The following FGF10 variants were observed in gnomAD, a reference collection of about 807,000 sequenced individuals.
The protein encoded by FGF10 is FGF-10.
A neutral mutation model predicts 19.8 loss-of-function variants in FGF10; 2 were observed. The ratio of observed to expected loss-of-function variants is 0.10; its 90% CI spans 0.04 to 0.32. FGF10 has a LOEUF of 0.32. Ranked by LOEUF, FGF10 falls within the 10% of genes least tolerant of loss-of-function variation. The pLI is 1.00. For missense variants in FGF10, 191 were observed against 246.3 expected (o/e 0.78, Z 1.50); for synonymous variants, 112 against 94.0 (o/e 1.19, Z -1.10).
At chr5:44,349,453 T>TATATCAGAATATATATATATCAGA (rs1554038157) in intron 1 of FGF10, among the ~76,000 whole-genome samples, 1 of 23,060 alleles carries the variant, frequency 4.3e-5, no homozygotes, top group East Asian at 1.4e-3. Flanking sequence ...TATATATATA[T>TATATCAGAATATATATATATCAGA]ATATATATAT....
chr5:44,354,647 C>T (rs17227759), intron 1 of FGF10, among the ~76,000 whole-genome samples: 2 of 151,432 alleles, frequency 1.3e-5, no homozygotes, highest in East Asian at 3.9e-4. Flanking sequence ...GTTAAAATCT[C>T]TAAAAGCAGT....
At position 44,335,243 on chromosome 5, in the gene FGF10, T is replaced by C. The variant is rs542959724; in HGVS notation, c.326-24713A>G. ...ATGATCACTCACCAAGAGGCATTCA[T>C]GCATCTTTTCTTAATGGTGAGAAGA... On this transcript the variant is annotated intron_variant, in intron 1 of 2. Coordinates refer to ENST00000264664, the MANE Select transcript of FGF10 (RefSeq NM_004465.2). Among the ~76,000 whole-genome samples, 120 of 152,224 alleles carry C rather than the reference T, an allele frequency of 7.9e-4. 2 individuals carry two copies. Among genetic ancestry groups the C allele is most frequent in the African/African-American group, 2.7e-3 (112 of 41,568 alleles).
chr5:44,370,033 G>A (rs993204344), intron 1 of FGF10, among the ~76,000 whole-genome samples: 11 of 151,754 alleles, frequency 7.2e-5, no homozygotes, highest in African/African-American at 2.4e-4. Flanking sequence ...CTCCTCCACC[G>A]CCAACTGTGT....
At chr5:44,330,000 T>C (rs972891298) in intron 1 of FGF10, among the ~76,000 whole-genome samples, 1 of 152,210 alleles carries the variant, frequency 6.6e-6, no homozygotes, top group African/African-American at 2.4e-5. Flanking sequence ...TTTCCTCTTT[T>C]CATTCATAAG....
At chr5:44,310,346 A>G (rs1734223512) in intron 2 of FGF10, 81 bp downstream of exon 2, 2 of 888,384 alleles carry the variant, frequency 2.3e-6, no homozygotes, top group Non-Finnish European at 3.7e-6. Flanking sequence ...TAACAAAGCT[A>G]TTCGGTGTCT....
chr5:44,375,707 G>C (rs1741837843), intron 1 of FGF10, among the ~76,000 whole-genome samples: 1 of 152,080 alleles, frequency 6.6e-6, no homozygotes, highest in Admixed American at 6.5e-5. Flanking sequence ...TTAAGACTAG[G>C]ATGGTCTTGT....
At chr5:44,333,748 A>T (rs1409509460) in intron 1 of FGF10, among the ~76,000 whole-genome samples, 1 of 152,032 alleles carries the variant, frequency 6.6e-6, no homozygotes, top group Non-Finnish European at 1.5e-5. Context: ...TGTGTTCCAT[A>T]TTTTCAACAG....
At chr5:44,338,191 A>G (rs1740894976) in intron 1 of FGF10, among the ~76,000 whole-genome samples, 1 of 152,184 alleles carries the variant, frequency 6.6e-6, no homozygotes, top group Admixed American at 6.6e-5. Flanking sequence ...CATTTAATAT[A>G]TTATCTTAAA....
chr5:44,342,550 T>C (rs1484275689), intron 1 of FGF10, among the ~76,000 whole-genome samples: 1 of 150,424 alleles, frequency 6.6e-6, no homozygotes, highest in Non-Finnish European at 1.5e-5. Flanking sequence ...TTTTTCAAAG[T>C]GCTGTGTTTA....
Position 44,342,996 on chromosome 5 carries a change from A to G in FGF10, c.326-32466T>C, listed in dbSNP as rs192324218. On this transcript the variant is annotated intron_variant, in intron 1 of 2. Transcript: ENST00000264664. ...CCATCAAAGTTCCGAACTTCAGGAA[A>G]GAAGCATTTCCAGAGATGGGTGCAG... Among the ~76,000 whole-genome samples the G allele has an allele frequency of 3.3e-5, 5 of 152,096 alleles. No homozygotes were observed. In the East Asian group the frequency reaches 9.7e-4, roughly 30 times the overall value.
In FGF10 at chr5:44,388,753, A is replaced by G; in HGVS notation, c.-71T>C. 6.5e-7 allele frequency: 1 copy of G among 1,534,946 alleles called. No homozygotes were observed. ...ATACTGGAAGGGTAAGACCCGATGCAAGGCAAGGAGAGAGCTCGAGGTGGT... is the reference window on the plus strand; with the variant it reads ...ATACTGGAAGGGTAAGACCCGATGCGAGGCAAGGAGAGAGCTCGAGGTGGT... On this transcript the variant is annotated 5_prime_UTR_variant, in exon 1 of 3. Coordinates refer to ENST00000264664, the MANE Select transcript of FGF10 (RefSeq NM_004465.2).
At chr5:44,333,820 G>A (rs1261988947) in intron 1 of FGF10, among the ~76,000 whole-genome samples, 3 of 152,136 alleles carry the variant, frequency 2.0e-5, no homozygotes, top group Admixed American at 2.0e-4. Context: ...AATAAATAAT[G>A]TGTGTTGGTG....
At chr5:44,321,276 GC>G (rs988017162) in intron 1 of FGF10, among the ~76,000 whole-genome samples, 2 of 152,166 alleles carry the variant, frequency 1.3e-5, no homozygotes, top group Non-Finnish European at 2.9e-5. Flanking sequence ...GGATATCAGG[GC>G]ACAATTGTTA....
intron 1 of FGF10, among the ~76,000 whole-genome samples, chr5:44,360,098 G>T (rs1741440627): frequency 6.6e-6 from 1 of 151,498 alleles, no homozygotes; most frequent in Admixed American, 6.6e-5. Flanking sequence ...TTCATTCAAT[G>T]CTTTGGTTCT....
At chr5:44,348,915 C>T (rs1741151661) in intron 1 of FGF10, among the ~76,000 whole-genome samples, 1 of 151,432 alleles carries the variant, frequency 6.6e-6, no homozygotes, top group East Asian at 1.9e-4. Flanking sequence ...GTGTCCACTA[C>T]AATTCTGATT....
At chr5:44,321,654 T>C (rs1740492393) in intron 1 of FGF10, among the ~76,000 whole-genome samples, 1 of 152,214 alleles carries the variant, frequency 6.6e-6, no homozygotes, top group Non-Finnish European at 1.5e-5. Flanking sequence ...CACTTGAACT[T>C]AACAACATTT....
chr5:44,345,689 G>T (rs1040765041), intron 1 of FGF10, among the ~76,000 whole-genome samples: 2 of 148,538 alleles, frequency 1.3e-5, no homozygotes, highest in African/African-American at 4.9e-5. Context: ...CACCAACAAT[G>T]CTGCTCAATT....
At chr5:44,320,083 T>C (rs1740448006) in intron 1 of FGF10, among the ~76,000 whole-genome samples, 1 of 152,314 alleles carries the variant, frequency 6.6e-6, no homozygotes. Context: ...CTGGGTTGCA[T>C]GCTTCTTATG....
At chr5:44,373,320 GC>G (rs1741784845) in intron 1 of FGF10, among the ~76,000 whole-genome samples, 1 of 152,140 alleles carries the variant, frequency 6.6e-6, no homozygotes, top group South Asian at 2.1e-4. Flanking sequence ...TTCAGAGCAT[GC>G]TTTCCTAACA....
Sources: gnomAD v4.1 joint callset for allele counts (sites outside exome capture counted in the v4.1 genomes callset) on GRCh38, gnomAD v4.1.1 for gene constraint, MANE v1.5 for transcripts, NCBI Gene and HGNC (gene_info 2026-07-23, HGNC 2026-07-21) for gene names.